Variants in KIAA1217 observed in about 807,000 individuals in gnomAD.
The protein encoded by KIAA1217 is sickle tail protein homolog.
A neutral mutation model predicts 163.9 loss-of-function variants in KIAA1217; 88 were observed. That is an observed-to-expected ratio of 0.54 (90% CI 0.45 to 0.64). The LOEUF is 0.64. KIAA1217 is among the 30% of genes least tolerant of loss of function. The pLI is 0.00. For synonymous variants in KIAA1217, 903 were observed against 923.1 expected (o/e 0.98, Z 0.39); for missense variants, 2,372 against 2,475.0 (o/e 0.96, Z 0.88).
At chr10:24,235,621 G>A (rs2072128536) in intron 2 of KIAA1217, among the ~76,000 whole-genome samples, 2 of 152,170 alleles carry the variant, frequency 1.3e-5, no homozygotes, top group Non-Finnish European at 2.9e-5. Context: ...TTGCCCTGGG[G>A]TTTTGAGGGC....
intron 2 of KIAA1217, among the ~76,000 whole-genome samples, chr10:24,292,757 A>C (rs187091572): frequency 5.9e-5 from 9 of 152,264 alleles, no homozygotes; most frequent in African/African-American, 1.9e-4. Context: ...CCACGGAATG[A>C]AGGTAAACGC....
intron 2 of KIAA1217, among the ~76,000 whole-genome samples, chr10:24,153,404 A>G (rs1262711743): frequency 6.6e-6 from 1 of 152,242 alleles, no homozygotes; most frequent in Non-Finnish European, 1.5e-5. Flanking sequence ...CTGTGGTTAC[A>G]TGGTACCATA....
rs540227376 is a variant in KIAA1217, at chr10:23,872,724, G to A, written c.-320-134501G>A. Among the ~76,000 whole-genome samples the A allele has an allele frequency of 5.9e-4, 89 of 152,116 alleles. 1 individual carries two copies. The highest frequency in any genetic ancestry group is 1.0e-3 in the Non-Finnish European group (70 of 67,976). On this transcript the variant is annotated intron_variant, in intron 1 of 18. Coordinates refer to the KIAA1217 transcript ENST00000376462. ...AGGTTTGTGAAAATATAACATCTTG[G>A]AAAAACAAGCTAATTAAAGTGAGGG...
chr10:24,257,992 A>G (rs1010409357), intron 2 of KIAA1217, among the ~76,000 whole-genome samples: 3 of 151,944 alleles, frequency 2.0e-5, no homozygotes, highest in African/African-American at 7.2e-5. Flanking sequence ...TCCCAGGTAC[A>G]TATTTACCAG....
chr10:23,889,692 G>GAAGTCTATTTTATGA (rs141865247), intron 1 of KIAA1217, among the ~76,000 whole-genome samples: 1 of 151,586 alleles, frequency 6.6e-6, no homozygotes, highest in African/African-American at 2.4e-5. Context: ...TAAGTTTATT[G>GAAGTCTATTTTATGA]AGTTTTCTTT....
intron 1 of KIAA1217, among the ~76,000 whole-genome samples, chr10:23,975,904 C>G (rs906186952): frequency 6.6e-6 from 1 of 152,048 alleles, no homozygotes; most frequent in African/African-American, 2.4e-5. Flanking sequence ...CTTTTTGATC[C>G]ATTGCACCCA....
At chr10:24,299,819 C>T (rs537587333) in intron 2 of KIAA1217, among the ~76,000 whole-genome samples, 1 of 152,262 alleles carries the variant, frequency 6.6e-6, no homozygotes, top group East Asian at 1.9e-4. Context: ...TCAGCCTGCC[C>T]TGTGAACTAA....
chr10:24,372,069 A>T (rs947263970), intron 2 of KIAA1217, among the ~76,000 whole-genome samples: 4 of 152,166 alleles, frequency 2.6e-5, no homozygotes, highest in African/African-American at 9.7e-5. Flanking sequence ...AGGCAGGAGG[A>T]GAGCAAGGGT....
intron 5 of KIAA1217, among the ~76,000 whole-genome samples, chr10:24,438,994 A>G (rs888393070): frequency 2.0e-5 from 3 of 152,200 alleles, no homozygotes; most frequent in Admixed American, 1.3e-4. Context: ...AAATATTACC[A>G]TATCCTCTCT....
At chr10:24,169,232 A>T (rs1344059860) in intron 2 of KIAA1217, among the ~76,000 whole-genome samples, 1 of 152,226 alleles carries the variant, frequency 6.6e-6, no homozygotes, top group Non-Finnish European at 1.5e-5. Context: ...CAGTAAATGT[A>T]CCATTGCTTC....
At chr10:24,133,571 C>CAAA (rs765374458) in intron 2 of KIAA1217, among the ~76,000 whole-genome samples, 1 of 113,678 alleles carries the variant, frequency 8.8e-6, no homozygotes, top group South Asian at 3.0e-4. Flanking sequence ...GACTGTGTCT[C>CAAA]AAAAAAAAAA....
In KIAA1217 at chr10:23,817,990, T is replaced by C. The variant is rs1347614073; in HGVS notation, c.-321+122756T>C. Among the ~76,000 whole-genome samples the C allele has an allele frequency of 6.1e-4, 71 of 116,684 alleles. 2 individuals are homozygous for C. Among genetic ancestry groups the C allele is most frequent in the Admixed American group, 2.4e-3 (25 of 10,586 alleles). 76.5% of individuals were successfully genotyped at this position (116,684 alleles called of 152,430 possible). A position where few individuals can be genotyped will look rare whatever the true frequency, so the allele number is the denominator to read the frequency against. ...ATATATATATATATATATATATATA[T>C]ATATATATATATATATATACACACA... On this transcript the variant is annotated intron_variant, in intron 1 of 18. Coordinates refer to the KIAA1217 transcript ENST00000376462.
intron 6 of KIAA1217, among the ~76,000 whole-genome samples, chr10:24,476,972 A>G (rs181999883): frequency 6.6e-6 from 1 of 152,276 alleles, no homozygotes; most frequent in African/African-American, 2.4e-5. Flanking sequence ...AACTCCCCTC[A>G]GTCACATGTC....
At chr10:23,842,440 G>A (rs11013745) in intron 1 of KIAA1217, among the ~76,000 whole-genome samples, 7,387 of 152,196 alleles carry the variant, frequency 0.049, 559 homozygotes, top group African/African-American at 0.16. Context: ...AAAACAGGTG[G>A]TGGTGATATG....
intron 2 of KIAA1217, among the ~76,000 whole-genome samples, chr10:24,318,204 TGATAGATAGATG>T (rs372613176): frequency 0.029 from 4,477 of 152,146 alleles, 252 homozygotes; most frequent in African/African-American, 0.1. Flanking sequence ...GGTAGGTAGA[TGATAGATAGATG>T]GATAGATAGA....
At chr10:24,097,064 G>A (rs188248628) in intron 2 of KIAA1217, among the ~76,000 whole-genome samples, 4 of 152,290 alleles carry the variant, frequency 2.6e-5, no homozygotes, top group African/African-American at 9.6e-5. Flanking sequence ...AGACACTGGG[G>A]ATTGTGTTAA....
intron 1 of KIAA1217, among the ~76,000 whole-genome samples, chr10:23,991,799 C>A (rs1250921613): frequency 4.6e-5 from 7 of 151,968 alleles, no homozygotes; most frequent in African/African-American, 1.7e-4. Flanking sequence ...TAATAAACAC[C>A]CCATATCCCA....
At chr10:23,958,739 A>G (rs139375385) in intron 1 of KIAA1217, among the ~76,000 whole-genome samples, 340 of 152,174 alleles carry the variant, frequency 2.2e-3, no homozygotes, top group African/African-American at 7.9e-3. Flanking sequence ...GAGCGAGTTT[A>G]GGCAAAATGG....
chr10:23,984,806 A>C (rs1845906014), intron 1 of KIAA1217, among the ~76,000 whole-genome samples: 1 of 151,970 alleles, frequency 6.6e-6, no homozygotes, highest in Non-Finnish European at 1.5e-5. Flanking sequence ...CAAGTACCTA[A>C]TGCATGCGGG....
Sources: gnomAD v4.1 joint callset for allele counts (sites outside exome capture counted in the v4.1 genomes callset) on GRCh38, gnomAD v4.1.1 for gene constraint, MANE v1.5 for transcripts, NCBI Gene and HGNC (gene_info 2026-07-23, HGNC 2026-07-21) for gene names.